The following ASB8 variants were observed in gnomAD, a reference collection of about 807,000 sequenced individuals.
ASB8 encodes the protein ankyrin repeat and SOCS box containing 8, also known as ankyrin repeat and SOCS box protein 8.
ASB8 carries 15 observed loss-of-function variants against 22.9 expected under a neutral mutation model. The ratio of observed to expected loss-of-function variants is 0.66; its 90% confidence interval spans 0.44 to 1.01. The LOEUF (loss-of-function observed/expected upper bound fraction) is 1.01, where lower values mean the gene tolerates loss of function less well. ASB8 is among the 50% of genes least tolerant of loss of function. ASB8 has a pLI of 0.00. For missense variants in ASB8, 294 were observed against 356.9 expected, an observed-to-expected ratio of 0.82 and a Z score of 1.42; for synonymous variants, 124 against 140.8, an observed-to-expected ratio of 0.88 and a Z score of 0.84.
intron 1 of ASB8, among the ~76,000 whole-genome samples, chr12:48,156,882 C>T (rs1264979869): frequency 1.3e-5 from 2 of 151,870 alleles, no homozygotes; most frequent in Non-Finnish European, 2.9e-5. Context: ...GGTTTGATCC[C>T]CTTGGAAGGC....
rs1951146044 is a variant in ASB8 at position 48,148,787 on chromosome 12, CTG to C, written c.*577_*578del. 6.5e-6 allele frequency: 1 copy of C among 153,236 alleles called. No homozygotes were observed. Among genetic ancestry groups the C allele is most frequent in the African/African-American group, 2.4e-5 (1 of 41,114 alleles). 9.5% of individuals were successfully genotyped at this position (153,236 alleles called of 1,614,324 possible). A position where few individuals can be genotyped will look rare whatever the true frequency, so the allele number is the denominator to read the frequency against. ...CAAGCGATTCTTCTGTCTCAGCCTCCTGAGTAGCTGGGATTACAGGCGCATGC... is the reference window on the plus strand; with the variant it reads ...CAAGCGATTCTTCTGTCTCAGCCTCCAGTAGCTGGGATTACAGGCGCATGC... On this transcript the variant is annotated 3_prime_UTR_variant, in exon 4 of 4. Transcript: ENST00000317697.
At chr12:48,150,230 C>G (rs978397768) in intron 3 of ASB8, 9 of 701,286 alleles carry the variant, frequency 1.3e-5, no homozygotes, top group Admixed American at 1.0e-4. Flanking sequence ...TGTGCACTGA[C>G]TAGCTGGTCT....
Position 48,148,237 on chromosome 12 carries a change from C to T in ASB8, c.*1129G>A, listed in dbSNP as rs989786270. Reference sequence around the variant, plus strand: ...TGGGAAAAGGCAGCCCAGCCCATAACTCCTCCCTGCTGGAACACACACCGT... The same window carrying T: ...TGGGAAAAGGCAGCCCAGCCCATAATTCCTCCCTGCTGGAACACACACCGT... On this transcript the variant is annotated 3_prime_UTR_variant, in exon 4 of 4. Transcript: ENST00000317697. 2.0e-5 allele frequency: 3 copies of T among 152,234 alleles called. No individual in the cohort carries two copies. The highest frequency in any genetic ancestry group is 4.4e-5 in the Non-Finnish European group (3 of 68,050). The allele number at this position is 152,234 out of a possible 1,614,324, so 9.4% of individuals were successfully genotyped here. A position where few individuals can be genotyped will look rare whatever the true frequency, so the allele number is the denominator to read the frequency against.
Position 48,149,805 on chromosome 12 carries a change from G to C in ASB8, c.428C>G (p.Ser143Cys), listed in dbSNP as rs1371836835. The C allele has an allele frequency of 1.2e-6, 2 of 1,614,148 alleles. No homozygotes were observed. The highest frequency in any genetic ancestry group is 1.7e-6 in the Non-Finnish European group (2 of 1,179,968). ...ATTGTTGTAATCCAGGGCATTGACA[G>C]AGGCCCCGCTCTCTAGGAGAGCCCG... ...CVRALLESGA[S>C]VNALDYNNDT... Residue 143 changes from serine to cysteine, a missense_variant, in exon 4 of 4, where the codon TCT becomes TGT. Ser to Cys is a moderately radical substitution (Grantham distance 112). Coordinates refer to ENST00000317697, the MANE Select transcript of ASB8 (RefSeq NM_024095.5).
Position 48,153,469 on chromosome 12 carries a change from G to A in ASB8, c.28C>T (p.Gln10Ter). MSSSMWYIM[Q>*]SIQSKYSLSE... ...AGAGAGTATTTGCTCTGAATGCTCT[G>A]CATAATATACCACATACTGGAACTC... Residue 10 changes from glutamine to a stop codon, truncating the protein, a stop_gained, in exon 2 of 4, where the codon CAG (glutamine) becomes TAG (stop). Transcript: ENST00000317697. LOFTEE classifies it high-confidence loss of function. 15 of 1,613,724 alleles carry A rather than the reference G, an allele frequency of 9.3e-6. No individual in the cohort carries two copies. Among genetic ancestry groups the A allele is most frequent in the African/African-American group, 1.3e-5 (1 of 75,022 alleles).
chr12:48,155,742 AATAT>A (rs1555211490), intron 1 of ASB8, among the ~76,000 whole-genome samples: 182 of 114,896 alleles, frequency 1.6e-3, no homozygotes, highest in Non-Finnish European at 2.4e-3. Context: ...AAAAAAAAAA[AATAT>A]ATATATATAT....
rs1951136111 is a variant in ASB8 at position 48,148,403 on chromosome 12, A to G, written c.*963T>C. ...GAGCTATTTATTACTGTTATTACAGAGCTCTTGTTATTTCAGAGCTACTGT... is the reference window on the plus strand; with the variant it reads ...GAGCTATTTATTACTGTTATTACAGGGCTCTTGTTATTTCAGAGCTACTGT... On this transcript the variant is annotated 3_prime_UTR_variant, in exon 4 of 4. Coordinates refer to ENST00000317697, the MANE Select transcript of ASB8 (RefSeq NM_024095.5). The G allele has an allele frequency of 6.6e-6, 1 of 152,224 alleles. No individual in the cohort carries two copies. The highest frequency in any genetic ancestry group is 1.5e-5 in the Non-Finnish European group (1 of 68,050). 9.4% of individuals were successfully genotyped at this position (152,224 alleles called of 1,614,324 possible). A position where few individuals can be genotyped will look rare whatever the true frequency, so the allele number is the denominator to read the frequency against.
intron 1 of ASB8, among the ~76,000 whole-genome samples, chr12:48,154,809 C>T (rs148662008): frequency 0.059 from 9,034 of 151,858 alleles, 350 homozygotes; most frequent in Non-Finnish European, 0.093. Context: ...GGCATGGTGG[C>T]GCACGCCTGT....
At position 48,153,398 on chromosome 12, in the gene ASB8, TG is replaced by T. The variant is rs1209054581; in HGVS notation, c.98del (p.Pro33HisfsTer5). The T allele has an allele frequency of 1.2e-6, 2 of 1,613,892 alleles. No homozygotes were observed. The highest frequency in any genetic ancestry group is 1.7e-6 in the Non-Finnish European group (2 of 1,179,904). Reference sequence around the variant, plus strand: ...TGATGAGGTCCTCTACATTATCATGTGGGAAGGAACGGATGGCAGCAATTGT... The same window carrying T: ...TGATGAGGTCCTCTACATTATCATGTGGAAGGAACGGATGGCAGCAATTGT... ...IRTIAAIRSFPHDNVEDLIRG... is the reference protein window; with the variant it reads ...IRTIAAIRSFXHDNVEDLIRG... On this transcript the variant is annotated frameshift_variant, in exon 2 of 4. Transcript: ENST00000317697. LOFTEE classifies it high-confidence loss of function.
intron 1 of ASB8, among the ~76,000 whole-genome samples, chr12:48,154,736 G>A (rs139449084): frequency 0.02 from 3,045 of 152,090 alleles, 112 homozygotes; most frequent in African/African-American, 0.067. Flanking sequence ...TCAGGAGTTC[G>A]AGACCAGCCT....
At chr12:48,153,795 G>A (rs1045811732) in intron 1 of ASB8, 2 of 219,116 alleles carry the variant, frequency 9.1e-6, no homozygotes, top group African/African-American at 2.3e-5. Flanking sequence ...GTTTACAAAC[G>A]ACTAGGCAAG....
chr12:48,154,347 G>C (rs902144663), intron 1 of ASB8, among the ~76,000 whole-genome samples: 15 of 151,940 alleles, frequency 9.9e-5, no homozygotes, highest in Admixed American at 4.6e-4. Context: ...TGGACGTGGT[G>C]GTGGGCGCCT....
chr12:48,157,105 C>T (rs1349690512), intron 1 of ASB8: 3 of 152,186 alleles, frequency 2.0e-5, no homozygotes, highest in Non-Finnish European at 4.4e-5. Context: ...CTGCAGCGCC[C>T]GTAATCCCCA....
chr12:48,152,064 A>G (rs1191840712), intron 2 of ASB8, among the ~76,000 whole-genome samples: 2 of 151,874 alleles, frequency 1.3e-5, no homozygotes, highest in Non-Finnish European at 2.9e-5. Context: ...AGGCAGGAGA[A>G]TCGCTTGAAC....
intron 2 of ASB8, chr12:48,152,996 C>T (rs1951227103): frequency 5.3e-6 from 1 of 188,434 alleles, no homozygotes; most frequent in Non-Finnish European, 1.1e-5. Flanking sequence ...AAAAGTGAAG[C>T]CCTGTCTCAA....
At chr12:48,155,575 T>A (rs1438355181) in intron 1 of ASB8, among the ~76,000 whole-genome samples, 1 of 150,876 alleles carries the variant, frequency 6.6e-6, no homozygotes, top group African/African-American at 2.4e-5. Flanking sequence ...TACAAAAAAA[T>A]TAGCCAGGCA....
At position 48,149,895 on chromosome 12, in the gene ASB8, G is replaced by C; in HGVS notation, c.338C>G (p.Ala113Gly). ...VLLEYGANPN[A>G]LDGNRDTPLH... ...TGGGGTATCTCTGTTGCCATCCAAA[G>C]CATTGGGGTTTGCACCATACTCCAA... is the stretch of plus-strand genomic sequence containing the variant. Residue 113 changes from alanine (A) to glycine (G), a missense_variant, in exon 4 of 4, where the codon GCT (alanine) becomes GGT (glycine). By Grantham distance (60) the Ala-to-Gly change is moderately conservative. Coordinates refer to ENST00000317697, the MANE Select transcript of ASB8 (RefSeq NM_024095.5). The C allele has an allele frequency of 6.2e-7, 1 of 1,614,176 alleles. No individual in the cohort carries two copies. The highest frequency in any genetic ancestry group is 8.5e-7 in the Non-Finnish European group (1 of 1,180,016).
intron 3 of ASB8, chr12:48,150,218 T>C (rs749922243): frequency 2.6e-5 from 18 of 704,532 alleles, no homozygotes; most frequent in Non-Finnish European, 4.4e-5. Flanking sequence ...TCAACACTAT[T>C]ATGTGCACTG....
intron 3 of ASB8, 130 bp from the exon 4 acceptor site, chr12:48,150,128 C>T: frequency 1.0e-6 from 1 of 968,746 alleles, no homozygotes; most frequent in Non-Finnish European, 1.6e-6. Context: ...CAGCAAGCAA[C>T]TCCCAGGGAG....
Sources: allele counts gnomAD v4.1 joint callset (sites outside exome capture counted in the v4.1 genomes callset), GRCh38; gene constraint gnomAD v4.1.1; transcripts MANE v1.5; gene names NCBI Gene and HGNC (gene_info 2026-07-23, HGNC 2026-07-21).